Variants in COMMD10 observed in about 807,000 individuals in gnomAD.
The protein encoded by COMMD10 is COMM domain containing 10, also known as COMM domain-containing protein 10.
A neutral mutation model predicts 28.9 loss-of-function variants in COMMD10; 33 were observed. The ratio of observed to expected loss-of-function variants is 1.14; its 90% CI spans 0.87 to 1.53. COMMD10 has a LOEUF of 1.53. Among genes scored for constraint, COMMD10 ranks in the 40% most tolerant of loss-of-function variants. The pLI, the probability that COMMD10 is intolerant of heterozygous loss-of-function variation, is 0.00. For missense variants in COMMD10, 310 were observed against 233.4 expected, an observed-to-expected ratio of 1.33 and a Z score of -2.14; for synonymous variants, 110 against 81.7, an observed-to-expected ratio of 1.35 and a Z score of -1.87.
intron 5 of COMMD10, among the ~76,000 whole-genome samples, chr5:116,197,628 C>A (rs1748562061): frequency 6.6e-6 from 1 of 152,040 alleles, no homozygotes. Context: ...GTGATCCATC[C>A]CCCTCGGCCT....
intron 5 of COMMD10, among the ~76,000 whole-genome samples, chr5:116,268,588 A>G (rs1285261723): frequency 6.6e-6 from 1 of 151,944 alleles, no homozygotes; most frequent in Non-Finnish European, 1.5e-5. Flanking sequence ...TGACCCAGCC[A>G]TCCCATTACT....
intron 6 of COMMD10, among the ~76,000 whole-genome samples, chr5:116,292,172 A>C (rs1042418230): frequency 1.3e-5 from 2 of 152,062 alleles, no homozygotes; most frequent in South Asian, 2.1e-4. Flanking sequence ...ATGGAGTGAT[A>C]ATTTAAAAGG....
At chr5:116,154,186 A>G (rs539373647) in intron 5 of COMMD10, among the ~76,000 whole-genome samples, 6 of 152,290 alleles carry the variant, frequency 3.9e-5, no homozygotes, top group African/African-American at 1.4e-4. Flanking sequence ...CAGTGCCAGA[A>G]TGTGAGTTAG....
chr5:116,283,020 G>A (rs958899607), intron 5 of COMMD10, among the ~76,000 whole-genome samples: 3 of 151,920 alleles, frequency 2.0e-5, no homozygotes, highest in African/African-American at 7.3e-5. Context: ...AGAAGATTCT[G>A]TAGAACCAAG....
intron 4 of COMMD10, among the ~76,000 whole-genome samples, chr5:116,116,625 A>G (rs12521815): frequency 0.11 from 16,365 of 151,928 alleles, 979 homozygotes; most frequent in African/African-American, 0.15. Flanking sequence ...TTCACTGACT[A>G]TACGTGGTTG....
At position 116,129,585 on chromosome 5, in the gene COMMD10, TA is replaced by T. The variant is rs1408412028; in HGVS notation, c.400-4481del. On this transcript the variant is annotated intron_variant, in intron 4 of 6. Coordinates refer to ENST00000274458, the MANE Select transcript of COMMD10 (RefSeq NM_016144.4). ...ACATTAGTATATATATACTATATAC[TA>T]ATGTAATATACATTAGTATATATAT... Among the ~76,000 whole-genome samples, 2 of 220 alleles carry T rather than the reference TA, an allele frequency of 9.1e-3. 1 individual carries two copies. Among genetic ancestry groups the T allele is most frequent in the African/African-American group, 0.029 (2 of 70 alleles). The allele number at this position is 220 out of a possible 152,430, so 0.1% of individuals were successfully genotyped here.
At chr5:116,095,867 G>C (rs905096408) in intron 4 of COMMD10, among the ~76,000 whole-genome samples, 7 of 151,886 alleles carry the variant, frequency 4.6e-5, no homozygotes, top group African/African-American at 1.2e-4. Flanking sequence ...GTGATTTGTT[G>C]TTAAAATTAT....
chr5:116,124,153 G>C (rs1470110039), intron 4 of COMMD10, among the ~76,000 whole-genome samples: 3 of 152,054 alleles, frequency 2.0e-5, no homozygotes, highest in African/African-American at 7.3e-5. Context: ...TCCTTTAAAT[G>C]TGATGTTAGG....
chr5:116,292,420 C>A (rs6866938), intron 6 of COMMD10, 31 bp from the exon 7 acceptor site: 6 of 1,397,040 alleles, frequency 4.3e-6, no homozygotes, highest in Non-Finnish European at 5.7e-6. Flanking sequence ...CCTTCACTAA[C>A]GTCTTTTTTT....
At chr5:116,256,313 T>G (rs1298455684) in intron 5 of COMMD10, among the ~76,000 whole-genome samples, 1 of 151,736 alleles carries the variant, frequency 6.6e-6, no homozygotes, top group Non-Finnish European at 1.5e-5. Context: ...TTGGGGTTGT[T>G]GAGTATATGA....
At chr5:116,234,450 T>C (rs1749607399) in intron 5 of COMMD10, among the ~76,000 whole-genome samples, 1 of 152,174 alleles carries the variant, frequency 6.6e-6, no homozygotes, top group Admixed American at 6.5e-5. Context: ...CAATTACCCA[T>C]TGTTTACATA....
chr5:116,246,843 C>G (rs1324786005), intron 5 of COMMD10, among the ~76,000 whole-genome samples: 2 of 151,534 alleles, frequency 1.3e-5, no homozygotes, highest in East Asian at 3.9e-4. Context: ...GGATTAAAGA[C>G]TGTAATGTAA....
At chr5:116,131,465 T>C (rs970265709) in intron 4 of COMMD10, among the ~76,000 whole-genome samples, 2 of 151,912 alleles carry the variant, frequency 1.3e-5, no homozygotes, top group South Asian at 2.1e-4. Context: ...ATTAGCTCTA[T>C]AGGTTGCAGT....
At chr5:116,150,076 G>T (rs946443534) in intron 5 of COMMD10, among the ~76,000 whole-genome samples, 1 of 152,050 alleles carries the variant, frequency 6.6e-6, no homozygotes, top group Admixed American at 6.6e-5. Flanking sequence ...TCTACATATG[G>T]CTAGCCAGTT....
chr5:116,278,538 C>G (rs1750979520), intron 5 of COMMD10, among the ~76,000 whole-genome samples: 1 of 151,736 alleles, frequency 6.6e-6, no homozygotes, highest in Non-Finnish European at 1.5e-5. Flanking sequence ...GTATTTTAGC[C>G]AAACTCAAAA....
At chr5:116,126,080 T>C (rs1195882736) in intron 4 of COMMD10, among the ~76,000 whole-genome samples, 1 of 152,204 alleles carries the variant, frequency 6.6e-6, no homozygotes, top group Non-Finnish European at 1.5e-5. Flanking sequence ...TTCAGCAAAG[T>C]CTTAGGATAC....
chr5:116,277,283 G>T (rs1448481710), intron 5 of COMMD10, among the ~76,000 whole-genome samples: 2 of 151,778 alleles, frequency 1.3e-5, no homozygotes, highest in African/African-American at 2.4e-5. Context: ...TTTAAACCAT[G>T]TACTTTTTAG....
intron 5 of COMMD10, among the ~76,000 whole-genome samples, chr5:116,161,484 A>C (rs1224903447): frequency 6.6e-6 from 1 of 152,186 alleles, no homozygotes; most frequent in Non-Finnish European, 1.5e-5. Context: ...GCAGTGACAA[A>C]TCAGCATATG....
intron 5 of COMMD10, among the ~76,000 whole-genome samples, chr5:116,217,857 A>G (rs547252665): frequency 1.6e-4 from 24 of 152,252 alleles, no homozygotes; most frequent in African/African-American, 5.5e-4. Flanking sequence ...TATTAGTGAC[A>G]TATGCCCCTT....
Sources: allele counts gnomAD v4.1 joint callset (sites outside exome capture counted in the v4.1 genomes callset), GRCh38; gene constraint gnomAD v4.1.1; transcripts MANE v1.5; gene names NCBI Gene and HGNC (gene_info 2026-07-23, HGNC 2026-07-21).